Variants in NT5C1B observed in about 807,000 individuals in gnomAD.
NT5C1B encodes cytosolic 5'-nucleotidase 1B.
In NT5C1B, 44 loss-of-function variants were observed where a neutral mutation model predicts 57.8. That is an observed-to-expected ratio of 0.76 (90% CI 0.60 to 0.98). NT5C1B has a LOEUF of 0.98. Ranked by LOEUF, NT5C1B falls within the 50% of genes least tolerant of loss-of-function variation. The probability of loss-of-function intolerance (pLI) is 0.00; values close to 1 mark genes in which losing one functional copy is unlikely to be tolerated. For missense variants in NT5C1B, 742 were observed against 719.5 expected (o/e 1.03, Z -0.36); for synonymous variants, 284 against 282.6 (o/e 1.00, Z -0.05).
At chr2:18,579,119 C>G (rs1443817866) in intron 6 of NT5C1B, among the ~76,000 whole-genome samples, 1 of 151,990 alleles carries the variant, frequency 6.6e-6, no homozygotes, top group Non-Finnish European at 1.5e-5. Context: ...TTACAAAACA[C>G]TGCGGAAAAA....
intron 2 of NT5C1B, 152 bp downstream of exon 2, chr2:18,587,351 A>G (rs764174084): frequency 2.7e-4 from 399 of 1,474,728 alleles, no homozygotes; most frequent in Non-Finnish European, 3.4e-4. Context: ...AACCTTTCCT[A>G]GTTCCTTAAC....
exon 9 of NT5C1B, chr2:18,563,288 C>A (rs1369969954): frequency 6.6e-6 from 1 of 152,252 alleles, no homozygotes; most frequent in Non-Finnish European, 1.5e-5. Flanking sequence ...TTGTTATACT[C>A]ATGCAGGTAG....
chr2:18,578,886 T>A (rs1665936779), intron 6 of NT5C1B, among the ~76,000 whole-genome samples: 1 of 152,220 alleles, frequency 6.6e-6, no homozygotes, highest in Admixed American at 6.5e-5. Flanking sequence ...ATTTTTCACC[T>A]AGAAAATGCC....
intron 2 of NT5C1B, chr2:18,586,784 G>T: frequency 1.2e-6 from 1 of 814,916 alleles, no homozygotes; most frequent in Non-Finnish European, 1.9e-6. Context: ...CTGTAAAGGT[G>T]AGGGCAACTG....
intron 3 of NT5C1B, 126 bp downstream of exon 3, chr2:18,586,128 C>T: frequency 5.6e-6 from 8 of 1,420,732 alleles, no homozygotes; most frequent in Non-Finnish European, 7.5e-6. Context: ...GGGAGTTCTC[C>T]CAAGGGCTAA....
intron 8 of NT5C1B, among the ~76,000 whole-genome samples, chr2:18,575,445 A>C (rs962795288): frequency 3.3e-5 from 5 of 152,140 alleles, no homozygotes; most frequent in African/African-American, 1.2e-4. Flanking sequence ...GTTTAACTTA[A>C]GTTCAGGAAG....
exon 2 of NT5C1B, chr2:18,587,566 T>C (rs1666834882): frequency 6.2e-7 from 1 of 1,613,640 alleles, no homozygotes; most frequent in African/African-American, 1.3e-5. Context: ...CTAGACTCTC[T>C]TTTGAGGACC....
chr2:18,576,663 G>A, intron 7 of NT5C1B, 110 bp downstream of exon 7: 2 of 1,521,762 alleles, frequency 1.3e-6, no homozygotes, highest in Non-Finnish European at 1.8e-6. Flanking sequence ...AAAAACTTCA[G>A]AAGAATATCC....
At chr2:18,565,204 T>G (rs1337630075) in intron 8 of NT5C1B, among the ~76,000 whole-genome samples, 1 of 152,198 alleles carries the variant, frequency 6.6e-6, no homozygotes, top group Non-Finnish European at 1.5e-5. Context: ...ATTTTTCCAT[T>G]TTTTGTTAGT....
At chr2:18,576,354 T>C (rs753186726) in exon 8 of NT5C1B, 2 of 1,612,956 alleles carry the variant, frequency 1.2e-6, no homozygotes, top group Non-Finnish European at 1.7e-6. Flanking sequence ...TCAAACATTG[T>C]CGCAGAGGCA....
chr2:18,587,449 C>T, intron 2 of NT5C1B, 54 bp downstream of exon 2: 2 of 1,599,580 alleles, frequency 1.3e-6, no homozygotes, highest in Non-Finnish European at 1.7e-6. Context: ...TAACATTTTC[C>T]ATTATGCTTT....
chr2:18,581,320 A>G (rs1666164685), intron 6 of NT5C1B, among the ~76,000 whole-genome samples: 2 of 152,200 alleles, frequency 1.3e-5, no homozygotes, highest in Non-Finnish European at 2.9e-5. Context: ...AAATTCTGAT[A>G]ACGATTTCTA....
intron 8 of NT5C1B, among the ~76,000 whole-genome samples, chr2:18,571,326 G>T (rs1182941036): frequency 6.6e-6 from 1 of 152,082 alleles, no homozygotes; most frequent in Non-Finnish European, 1.5e-5. Flanking sequence ...ATTGAACAAG[G>T]TTGCAGAATA....
chr2:18,564,850 G>A (rs555300095), intron 8 of NT5C1B, among the ~76,000 whole-genome samples: 1 of 152,060 alleles, frequency 6.6e-6, no homozygotes, highest in African/African-American at 2.4e-5. Flanking sequence ...TGTGTGGGTG[G>A]TTCTTCTGAC....
At chr2:18,582,177 T>G (rs1218153494) in intron 6 of NT5C1B, among the ~76,000 whole-genome samples, 1 of 152,260 alleles carries the variant, frequency 6.6e-6, no homozygotes, top group African/African-American at 2.4e-5. Flanking sequence ...GCTTCAATGA[T>G]TCCAGCCTTA....
chr2:18,577,147 T>C (rs1254938712), intron 6 of NT5C1B, among the ~76,000 whole-genome samples: 2 of 152,136 alleles, frequency 1.3e-5, no homozygotes, highest in African/African-American at 4.8e-5. Context: ...GCATAGTATA[T>C]TCACATAGAT....
Position 18,584,545 on chromosome 2 carries a change from T to C in NT5C1B, c.692A>G (p.Glu231Gly), listed in dbSNP as rs1377674354. 20 of 1,612,280 alleles carry C rather than the reference T, an allele frequency of 1.2e-5. No homozygotes were observed. Among genetic ancestry groups the C allele is most frequent in the Non-Finnish European group, 1.7e-5 (20 of 1,179,350 alleles). The change falls in exon 4 of 9, where the codon GAG becomes GGG. Residue 231 changes from glutamate to glycine, a missense_variant. By Grantham distance (98) the Glu-to-Gly change is moderately conservative. Transcript: ENST00000304081. This position sits in a 1 kb window ranked among gnomAD's most constrained non-coding sequence, Gnocchi z 5.8. Reference sequence around the variant, plus strand: ...GGGGCGCGAGCAGCTCGGGTTCTTCTCGTAGAACGACCTCATGGATGCCCA... The same window carrying C: ...GGGGCGCGAGCAGCTCGGGTTCTTCCCGTAGAACGACCTCATGGATGCCCA...
At chr2:18,563,743 G>C in exon 9 of NT5C1B, 1 of 1,442,608 alleles carries the variant, frequency 6.9e-7, no homozygotes, top group Non-Finnish European at 9.2e-7. Flanking sequence ...AGAGCCAAAA[G>C]AAGTGGCTTC....
rs1314214423 is a variant in NT5C1B, at chr2:18,572,409, T to A, written c.1329+3775A>T. ...GGCAAAGATTTCTTATATATGACAT[T>A]AAAAGCACAATTTCTAAGAGAAAAA... On this transcript the variant is annotated intron_variant, in intron 8 of 8. Coordinates refer to ENST00000304081, the Ensembl canonical transcript of NT5C1B. 2.0e-5 allele frequency among the ~76,000 whole-genome samples: 3 copies of A among 152,286 alleles called. No individual in the cohort carries two copies. The East Asian group carries it at 5.8e-4, about 29-fold the overall frequency.
Sources: allele counts gnomAD v4.1 joint callset (sites outside exome capture counted in the v4.1 genomes callset), GRCh38; gene constraint gnomAD v4.1.1; non-coding constraint Gnocchi (gnomAD v3.1); transcripts MANE v1.5; gene names NCBI Gene and HGNC (gene_info 2026-07-23, HGNC 2026-07-21).